The following GLI3 variants were observed in gnomAD, a reference collection of about 807,000 sequenced individuals.
GLI3 encodes the protein GLI family zinc finger 3.
GLI3 carries 20 observed loss-of-function variants against 100.8 expected under a neutral mutation model. The ratio of observed to expected loss-of-function variants is 0.20; its 90% CI spans 0.14 to 0.29. GLI3 has a LOEUF of 0.29. GLI3 is among the 10% of genes least tolerant of loss of function. GLI3 has a pLI of 1.00. For missense variants in GLI3, 2,040 were observed against 2,128.5 expected (o/e 0.96, Z 0.82); for synonymous variants, 938 against 860.5 (o/e 1.09, Z -1.58).
chr7:42,107,453 G>A (rs964312529), intron 3 of GLI3, among the ~76,000 whole-genome samples: 2 of 152,240 alleles, frequency 1.3e-5, no homozygotes, highest in African/African-American at 4.8e-5. Context: ...AGGCGACTGA[G>A]GGTATTTGGG....
chr7:42,054,079 C>A (rs887603331), intron 4 of GLI3, among the ~76,000 whole-genome samples: 1 of 152,138 alleles, frequency 6.6e-6, no homozygotes, highest in Non-Finnish European at 1.5e-5. Context: ...GAGTCACTGG[C>A]ATTTTGTTTC....
intron 2 of GLI3, among the ~76,000 whole-genome samples, chr7:42,195,206 A>T (rs1332994636): frequency 6.6e-6 from 1 of 152,322 alleles, no homozygotes. Context: ...CATACACTGT[A>T]GCTTGAGTCA....
intron 10 of GLI3, among the ~76,000 whole-genome samples, chr7:41,987,095 G>GACACACACACAC (rs1323125464): frequency 6.8e-5 from 5 of 73,254 alleles, no homozygotes; most frequent in Non-Finnish European, 1.1e-4. Flanking sequence ...CACAGACACA[G>GACACACACACAC]ACACAGACAC....
chr7:42,148,135 GCACACACACACACACACA>G (rs34148485), intron 3 of GLI3, 73 bp downstream of exon 3: 53 of 867,458 alleles, frequency 6.1e-5, no homozygotes, highest in Non-Finnish European at 7.6e-5. Flanking sequence ...CATAAAGCGC[GCACACACACACACACACA>G]CACACACACA....
intron 1 of GLI3, among the ~76,000 whole-genome samples, chr7:42,252,622 G>T (rs553369370): frequency 6.6e-6 from 1 of 152,158 alleles, no homozygotes; most frequent in African/African-American, 2.4e-5. Flanking sequence ...TATGATGCTT[G>T]CTGAGAAAGC....
chr7:41,994,414 G>A (rs1358281447), intron 10 of GLI3, among the ~76,000 whole-genome samples: 1 of 152,178 alleles, frequency 6.6e-6, no homozygotes, highest in Non-Finnish European at 1.5e-5. Context: ...TCAAAAAAGG[G>A]AAGTAAGGTT....
At chr7:42,077,356 G>T (rs897186738) in intron 3 of GLI3, among the ~76,000 whole-genome samples, 3 of 147,326 alleles carry the variant, frequency 2.0e-5, no homozygotes, top group Admixed American at 6.7e-5. Context: ...ATATACACAT[G>T]CATGCATGTG....
intron 3 of GLI3, among the ~76,000 whole-genome samples, chr7:42,086,190 A>G (rs1785098074): frequency 6.6e-6 from 1 of 152,084 alleles, no homozygotes; most frequent in Non-Finnish European, 1.5e-5. Flanking sequence ...TGCCTTTTAG[A>G]TTCACCTCAT....
At chr7:42,021,082 A>G (rs1788928544) in intron 10 of GLI3, among the ~76,000 whole-genome samples, 1 of 152,210 alleles carries the variant, frequency 6.6e-6, no homozygotes, top group Admixed American at 6.5e-5. Context: ...CACGCATGTC[A>G]TGCAATGTAG....
upstream of GLI3, among the ~76,000 whole-genome samples, chr7:42,237,434 G>T (rs1307618048): frequency 6.6e-6 from 1 of 152,068 alleles, no homozygotes; most frequent in Non-Finnish European, 1.5e-5. Flanking sequence ...TCCCATCCCG[G>T]CCTGGTGCCC....
intron 3 of GLI3, among the ~76,000 whole-genome samples, chr7:42,121,811 C>T (rs1786006810): frequency 6.6e-6 from 1 of 152,192 alleles, no homozygotes; most frequent in South Asian, 2.1e-4. Context: ...CAGAATAAAA[C>T]CAGAGAGCAG....
chr7:42,179,965 G>C (rs1018232311), intron 2 of GLI3, among the ~76,000 whole-genome samples: 10 of 152,210 alleles, frequency 6.6e-5, no homozygotes, highest in African/African-American at 2.4e-4. Flanking sequence ...GGATGGGAGA[G>C]AGCAGGGCTG....
chr7:42,022,952 AC>A (rs1788985371), intron 10 of GLI3, among the ~76,000 whole-genome samples: 1 of 152,186 alleles, frequency 6.6e-6, no homozygotes, highest in African/African-American at 2.4e-5. Flanking sequence ...CCATGAAACT[AC>A]TAACCCCACA....
chr7:42,264,027 C>T (rs1256881193), exon 1 of GLI3, among the ~76,000 whole-genome samples: 4 of 152,298 alleles, frequency 2.6e-5, no homozygotes, highest in Admixed American at 6.5e-5. Context: ...CTGCTGGGAT[C>T]GCTTCACTCT....
At chr7:42,068,867 T>A (rs1784728274) in intron 4 of GLI3, among the ~76,000 whole-genome samples, 1 of 152,170 alleles carries the variant, frequency 6.6e-6, no homozygotes, top group African/African-American at 2.4e-5. Context: ...AACCTCAAAG[T>A]GTCTTCCCAT....
At chr7:42,084,294 C>T (rs1276762521) in intron 3 of GLI3, among the ~76,000 whole-genome samples, 1 of 152,216 alleles carries the variant, frequency 6.6e-6, no homozygotes, top group African/African-American at 2.4e-5. Flanking sequence ...GCCAAATGTT[C>T]CTCTGCAAGT....
Position 42,035,490 on chromosome 7 carries a change from G to A in GLI3, c.1028+4548C>T, listed in dbSNP as rs545735355. On this transcript the variant is annotated intron_variant, in intron 7 of 14. Transcript: ENST00000395925. The stretch of plus-strand genomic sequence containing the variant: ...GTGACGCTGGAGATCTTGGCACTCA[G>A]AGGGGTGATGTGCAAAATGGGAATG... Among the ~76,000 whole-genome samples the A allele has an allele frequency of 2.6e-5, 4 of 152,338 alleles. No homozygotes were observed. In the East Asian group the frequency reaches 7.7e-4, roughly 29 times the overall value.
intron 10 of GLI3, among the ~76,000 whole-genome samples, chr7:42,022,329 T>C (rs10262927): frequency 0.062 from 9,464 of 152,154 alleles, 421 homozygotes; most frequent in Non-Finnish European, 0.096. Context: ...GAGACACACA[T>C]TAAAAGTTCA....
intron 3 of GLI3, among the ~76,000 whole-genome samples, chr7:42,092,320 T>C (rs1785239039): frequency 6.6e-6 from 1 of 152,174 alleles, no homozygotes. Context: ...AAGATAATTA[T>C]TAATTTAAGC....
Sources: allele counts gnomAD v4.1 joint callset (sites outside exome capture counted in the v4.1 genomes callset), GRCh38; gene constraint gnomAD v4.1.1; transcripts MANE v1.5; gene names NCBI Gene and HGNC (gene_info 2026-07-23, HGNC 2026-07-21).